Variants in HDAC4 observed in about 807,000 individuals in gnomAD.
The protein encoded by HDAC4 is histone deacetylase A.
Under a neutral mutation model 135.1 loss-of-function variants are expected in HDAC4, and 16 were observed. The observed-to-expected ratio is 0.12, with a 90% CI of 0.08 to 0.18. The LOEUF (loss-of-function observed/expected upper bound fraction) is 0.18. Ranked by LOEUF, HDAC4 falls within the 10% of genes least tolerant of loss-of-function variation. The pLI is 1.00. For synonymous variants in HDAC4, 685 were observed against 653.4 expected, an observed-to-expected ratio of 1.05 and a Z score of -0.74; for missense variants, 1,143 against 1,511.8, an observed-to-expected ratio of 0.76 and a Z score of 4.05.
At chr2:239,121,000 C>CT (rs34226161) in intron 12 of HDAC4, among the ~76,000 whole-genome samples, 32,773 of 144,508 alleles carry the variant, frequency 0.23, 4,209 homozygotes, top group East Asian at 0.43. Context: ...CTTTAAATTT[C>CT]TTTTTTTTTT....
intron 1 of HDAC4, among the ~76,000 whole-genome samples, chr2:239,362,750 T>C (rs1333349707): frequency 6.6e-6 from 1 of 151,982 alleles, no homozygotes; most frequent in Non-Finnish European, 1.5e-5. Flanking sequence ...AAACAGGGAG[T>C]GAGGCCAGGA....
chr2:239,256,143 TTCAGAGTTTGAAACATTC>T (rs1404149703), intron 2 of HDAC4, among the ~76,000 whole-genome samples: 1 of 152,244 alleles, frequency 6.6e-6, no homozygotes, highest in Non-Finnish European at 1.5e-5. Flanking sequence ...CCAGCTGCGT[TTCAGAGTTTGAAACATTC>T]TCAGAGAGGC....
chr2:239,087,473 G>A lies in HDAC4; in HGVS notation c.2444+86C>T, dbSNP rs968848231. Reference sequence around the variant, plus strand: ...CCAGCAAACAGCAGCCCAGCTCCCCGCAGTCACTCACACACCCACCCAGCC... The same window carrying A: ...CCAGCAAACAGCAGCCCAGCTCCCCACAGTCACTCACACACCCACCCAGCC... On this transcript the variant is annotated intron_variant, in intron 19 of 26. Transcript: ENST00000543185. The A allele has an allele frequency of 2.5e-4, 334 of 1,320,668 alleles. 1 individual carries two copies. The highest frequency in any genetic ancestry group is 1.9e-3 in the East Asian group (79 of 40,706). 81.8% of individuals were successfully genotyped at this position (1,320,668 alleles called of 1,614,324 possible).
intron 2 of HDAC4, among the ~76,000 whole-genome samples, chr2:239,346,624 A>T (rs1470251518): frequency 1.4e-5 from 2 of 138,202 alleles, no homozygotes; most frequent in Non-Finnish European, 3.4e-5. Context: ...ACACCTTAAC[A>T]CACACACACT....
intron 1 of HDAC4, among the ~76,000 whole-genome samples, chr2:239,365,750 G>A (rs72484021): frequency 0.018 from 2,692 of 152,050 alleles, 41 homozygotes; most frequent in East Asian, 0.096. Flanking sequence ...GGTCACGCAC[G>A]TGGCACTGGG....
chr2:239,103,957 G>GGAC (rs1437557319), intron 15 of HDAC4, among the ~76,000 whole-genome samples: 2 of 152,276 alleles, frequency 1.3e-5, no homozygotes, highest in Admixed American at 6.5e-5. Context: ...CGCTGGGCAG[G>GGAC]GACGGATGCT....
At chr2:239,283,354 G>A (rs899456463) in intron 2 of HDAC4, among the ~76,000 whole-genome samples, 4 of 152,214 alleles carry the variant, frequency 2.6e-5, no homozygotes, top group Non-Finnish European at 4.4e-5. Flanking sequence ...CCCAGGGTGC[G>A]GGCCTGAGGT....
At chr2:239,298,775 T>A in intron 2 of HDAC4, 1 of 223,100 alleles carries the variant, frequency 4.5e-6, no homozygotes, top group Non-Finnish European at 7.5e-6. Flanking sequence ...TAATTATCTC[T>A]CGGAGACTTA....
At chr2:239,268,675 G>A (rs2049884790) in intron 2 of HDAC4, among the ~76,000 whole-genome samples, 1 of 152,186 alleles carries the variant, frequency 6.6e-6, no homozygotes, top group African/African-American at 2.4e-5. Flanking sequence ...TCCTGTCAGG[G>A]ACACAGCCCC....
chr2:239,139,391 C>T lies in HDAC4; in HGVS notation c.978+293G>A, dbSNP rs1293877917. Among the ~76,000 whole-genome samples the T allele has an allele frequency of 6.6e-6, 1 of 152,132 alleles. No homozygotes were observed. The highest frequency in any genetic ancestry group is 1.9e-4 in the East Asian group (1 of 5,186). On this transcript the variant is annotated intron_variant, in intron 9 of 26. Transcript: ENST00000543185. The surrounding 1 kb of genome is among the most constrained non-coding windows in gnomAD (Gnocchi z 5.3). ...CCATGCGTGGGCTTGTGCTGGGACACCATCTAGTGACATCTGCTCTGGAAG... is the reference window on the plus strand; with the variant it reads ...CCATGCGTGGGCTTGTGCTGGGACATCATCTAGTGACATCTGCTCTGGAAG...
At chr2:239,310,201 A>C (rs1390518328) in intron 2 of HDAC4, among the ~76,000 whole-genome samples, 1 of 152,228 alleles carries the variant, frequency 6.6e-6, no homozygotes, top group East Asian at 1.9e-4. Flanking sequence ...AATACTTCTT[A>C]TTATATACAG....
rs1189780837 is a variant in HDAC4, at chr2:239,400,636, G to A, written c.-220+342C>T. 1 of 146,858 alleles carries A rather than the reference G, an allele frequency of 6.8e-6. No individual in the cohort carries two copies. The highest frequency in any genetic ancestry group is 1.8e-4 in the South Asian group (1 of 5,462). 9.1% of individuals were successfully genotyped at this position (146,858 alleles called of 1,614,324 possible). ...CTCCAAGGCCTGCAGGCTGCGCGGGGCGCGGGGCGGGCGGCGGACAATGGC... is the reference window on the plus strand; with the variant it reads ...CTCCAAGGCCTGCAGGCTGCGCGGGACGCGGGGCGGGCGGCGGACAATGGC... On this transcript the variant is annotated intron_variant, in intron 1 of 26. Coordinates refer to ENST00000543185, the MANE Select transcript of HDAC4 (RefSeq NM_001378414.1). The surrounding 1 kb of genome is among the most constrained non-coding windows in gnomAD (Gnocchi z 4.7).
chr2:239,158,088 G>A (rs1026274591), intron 6 of HDAC4, among the ~76,000 whole-genome samples: 10 of 152,252 alleles, frequency 6.6e-5, no homozygotes, highest in Admixed American at 5.2e-4. Context: ...ACCTGTGCAG[G>A]GGCTGTGGCC....
At chr2:239,085,475 G>A (rs1198658856) in intron 19 of HDAC4, among the ~76,000 whole-genome samples, 4 of 152,208 alleles carry the variant, frequency 2.6e-5, no homozygotes, top group Non-Finnish European at 4.4e-5. Context: ...AGCGGCTCAC[G>A]GGGAGCACAG....
At chr2:239,348,365 A>G (rs939422913) in intron 2 of HDAC4, among the ~76,000 whole-genome samples, 1 of 152,200 alleles carries the variant, frequency 6.6e-6, no homozygotes, top group Admixed American at 6.5e-5. Context: ...CTAGGCACGA[A>G]CATTCCGGAA....
At chr2:239,370,267 GA>G (rs1694512000) in intron 1 of HDAC4, among the ~76,000 whole-genome samples, 1 of 152,212 alleles carries the variant, frequency 6.6e-6, no homozygotes, top group Admixed American at 6.5e-5. Context: ...ATGCTGCGCT[GA>G]GGGAGGCACC....
At chr2:239,278,782 C>A (rs1235616581) in intron 2 of HDAC4, among the ~76,000 whole-genome samples, 1 of 152,222 alleles carries the variant, frequency 6.6e-6, no homozygotes, top group Non-Finnish European at 1.5e-5. Context: ...CTTCAGGAAA[C>A]GGCTTTCCTG....
intron 7 of HDAC4, among the ~76,000 whole-genome samples, chr2:239,148,218 A>T (rs2041888844): frequency 6.6e-6 from 1 of 152,234 alleles, no homozygotes; most frequent in Non-Finnish European, 1.5e-5. Flanking sequence ...ACACCAAAGG[A>T]AATATTAAAG....
At chr2:239,297,081 C>A (rs10208460) in intron 2 of HDAC4, among the ~76,000 whole-genome samples, 4,907 of 150,132 alleles carry the variant, frequency 0.033, 270 homozygotes, top group African/African-American at 0.11. Context: ...CCTACAAGGG[C>A]TGGCCTATGC....
Sources: allele counts gnomAD v4.1 joint callset (sites outside exome capture counted in the v4.1 genomes callset), GRCh38; gene constraint gnomAD v4.1.1; non-coding constraint Gnocchi (gnomAD v3.1); transcripts MANE v1.5; gene names NCBI Gene and HGNC (gene_info 2026-07-23, HGNC 2026-07-21).